NCKAP5: variants seen among roughly 807,000 people sequenced by gnomAD.
NCKAP5 encodes the protein NCK associated protein 5.
In NCKAP5, 92 loss-of-function variants were observed where a neutral mutation model predicts 167.0. That is an observed-to-expected ratio of 0.55 (90% CI 0.47 to 0.66). NCKAP5 has a LOEUF of 0.66. Among genes scored for constraint, NCKAP5 ranks in the 30% least tolerant of loss-of-function variants. The pLI is 0.00. For missense variants in NCKAP5, 2,378 were observed against 2,315.0 expected (o/e 1.03, Z -0.56); for synonymous variants, 891 against 877.4 (o/e 1.02, Z -0.27).
chr2:132,801,319 G>A (rs1043900091), intron 11 of NCKAP5, among the ~76,000 whole-genome samples: 1 of 152,208 alleles, frequency 6.6e-6, no homozygotes, highest in African/African-American at 2.4e-5. Flanking sequence ...TTTGGAGTTT[G>A]TTATTATTGC....
intron 3 of NCKAP5, among the ~76,000 whole-genome samples, chr2:133,509,233 T>C (rs758620686): frequency 6.6e-5 from 10 of 152,136 alleles, no homozygotes; most frequent in Non-Finnish European, 1.3e-4. Flanking sequence ...GCATATAACA[T>C]AAAATATATC....
At chr2:133,062,464 C>T (rs914771924) in intron 6 of NCKAP5, among the ~76,000 whole-genome samples, 3 of 152,120 alleles carry the variant, frequency 2.0e-5, no homozygotes, top group African/African-American at 7.2e-5. Context: ...GAACCATTGA[C>T]AAAACACAAA....
intron 6 of NCKAP5, among the ~76,000 whole-genome samples, chr2:133,009,501 T>C (rs1394929348): frequency 6.6e-6 from 1 of 152,178 alleles, no homozygotes; most frequent in Admixed American, 6.6e-5. Context: ...TTACTTCCAA[T>C]GCTGGAAAGC....
intron 2 of NCKAP5, among the ~76,000 whole-genome samples, chr2:133,530,939 C>T (rs1293424311): frequency 4.6e-5 from 7 of 152,112 alleles, no homozygotes; most frequent in Admixed American, 4.6e-4. Context: ...CTGAGATAAA[C>T]AGAGGCTGAT....
the NCKAP5 span, among the ~76,000 whole-genome samples, chr2:133,640,761 T>C: frequency 5.5e-4 from 84 of 152,304 alleles, no homozygotes; most frequent in African/African-American, 1.5e-3. Context: ...ATAGAATAAA[T>C]GAAAATCTCT....
chr2:132,885,087 T>C (rs1476977953), intron 8 of NCKAP5, among the ~76,000 whole-genome samples: 2 of 152,134 alleles, frequency 1.3e-5, no homozygotes, highest in African/African-American at 4.8e-5. Context: ...ACAAAAAAGA[T>C]ATTAACAATC....
At chr2:133,373,220 G>A (rs188801612) in intron 3 of NCKAP5, among the ~76,000 whole-genome samples, 286 of 152,154 alleles carry the variant, frequency 1.9e-3, no homozygotes, top group African/African-American at 6.6e-3. Flanking sequence ...CACCATGCCT[G>A]GCTAATTTTT....
chr2:133,633,588 C>A, the NCKAP5 span, among the ~76,000 whole-genome samples: 3 of 152,162 alleles, frequency 2.0e-5, no homozygotes, highest in Non-Finnish European at 4.4e-5. Flanking sequence ...ATGAAGGTAG[C>A]CTTCATGAAG....
intron 8 of NCKAP5, among the ~76,000 whole-genome samples, chr2:132,933,367 A>G (rs1696590562): frequency 6.6e-6 from 1 of 152,144 alleles, no homozygotes; most frequent in African/African-American, 2.4e-5. Context: ...TCATTCATTG[A>G]TCTGTTCCTA....
intron 6 of NCKAP5, among the ~76,000 whole-genome samples, chr2:133,129,455 A>T (rs1164722106): frequency 6.6e-6 from 1 of 152,202 alleles, no homozygotes; most frequent in Non-Finnish European, 1.5e-5. Flanking sequence ...ATAGTATTCA[A>T]TGGTGTATAT....
At chr2:133,605,901 G>C in the NCKAP5 span, among the ~76,000 whole-genome samples, 1 of 152,168 alleles carries the variant, frequency 6.6e-6, no homozygotes, top group Non-Finnish European at 1.5e-5. Context: ...AGGCTCCTCT[G>C]AGGCTCTGTG....
chr2:133,517,941 G>A (rs1485693621), intron 2 of NCKAP5, among the ~76,000 whole-genome samples: 1 of 152,178 alleles, frequency 6.6e-6, no homozygotes, highest in Non-Finnish European at 1.5e-5. Context: ...CATAGATGCT[G>A]TCTGCAAATT....
chr2:132,877,065 C>A (rs1412795574), intron 9 of NCKAP5, among the ~76,000 whole-genome samples: 1 of 152,096 alleles, frequency 6.6e-6, no homozygotes. Context: ...TACATATGAC[C>A]CAAAGGCATG....
chr2:132,947,717 G>A (rs942412645), intron 8 of NCKAP5, among the ~76,000 whole-genome samples: 12 of 152,084 alleles, frequency 7.9e-5, no homozygotes, highest in African/African-American at 1.4e-4. Flanking sequence ...GGAGCCCACC[G>A]TAGAGAGGAC....
intron 8 of NCKAP5, among the ~76,000 whole-genome samples, chr2:132,879,874 GT>G (rs1691615970): frequency 6.6e-6 from 1 of 152,040 alleles, no homozygotes; most frequent in South Asian, 2.1e-4. Context: ...TTTCCCATCC[GT>G]TTTTCTAAAC....
intron 11 of NCKAP5, among the ~76,000 whole-genome samples, chr2:132,859,012 T>C (rs1273338879): frequency 6.6e-6 from 1 of 152,192 alleles, no homozygotes; most frequent in Non-Finnish European, 1.5e-5. Context: ...TGAATCTTGA[T>C]GATGAGATTG....
intron 5 of NCKAP5, among the ~76,000 whole-genome samples, chr2:133,163,913 A>G (rs1360134237): frequency 2.0e-5 from 3 of 152,214 alleles, no homozygotes; most frequent in Non-Finnish European, 4.4e-5. Context: ...TCTACACTAA[A>G]TAATTTGTCT....
intron 17 of NCKAP5, 143 bp downstream of exon 17, chr2:132,731,594 G>T: frequency 1.2e-6 from 1 of 806,636 alleles, no homozygotes; most frequent in Non-Finnish European, 1.9e-6. Flanking sequence ...ACATTGTTTT[G>T]CTTGTTGGTG....
chr2:133,219,266 G>A (rs370475195), intron 4 of NCKAP5, among the ~76,000 whole-genome samples: 4 of 152,190 alleles, frequency 2.6e-5, no homozygotes, highest in African/African-American at 7.2e-5. Flanking sequence ...CTAGCCTTCC[G>A]TATCGACAAC....
Sources: allele counts gnomAD v4.1 joint callset (sites outside exome capture counted in the v4.1 genomes callset), GRCh38; gene constraint gnomAD v4.1.1; transcripts MANE v1.5; gene names NCBI Gene and HGNC (gene_info 2026-07-23, HGNC 2026-07-21).